PTPRD: variants seen among roughly 807,000 people sequenced by gnomAD.
The protein encoded by PTPRD is protein tyrosine phosphatase receptor type D.
PTPRD carries 34 observed loss-of-function variants against 214.5 expected under a neutral mutation model. The ratio of observed to expected loss-of-function variants is 0.16; its 90% CI spans 0.12 to 0.21. The LOEUF (loss-of-function observed/expected upper bound fraction) is 0.21. Among genes scored for constraint, PTPRD ranks in the 10% least tolerant of loss-of-function variants. The pLI is 1.00. For synonymous variants in PTPRD, 1,128 were observed against 845.7 expected, an observed-to-expected ratio of 1.33 and a Z score of -5.79; for missense variants, 2,545 against 2,398.7, an observed-to-expected ratio of 1.06 and a Z score of -1.27.
intron 2 of PTPRD, among the ~76,000 whole-genome samples, chr9:10,383,877 C>G (rs1282750273): frequency 6.6e-6 from 1 of 151,672 alleles, no homozygotes; most frequent in Non-Finnish European, 1.5e-5. Flanking sequence ...CACGTGATTA[C>G]AGCGTAAGCA....
chr9:8,449,992 T>A, intron 33 of PTPRD, 155 bp from the exon 34 acceptor site: 3 of 679,808 alleles, frequency 4.4e-6, no homozygotes, highest in Non-Finnish European at 7.3e-6. Context: ...GGGTTGCTTT[T>A]CCCCCCTGGC....
intron 2 of PTPRD, among the ~76,000 whole-genome samples, chr9:10,461,645 T>A (rs957713642): frequency 1.3e-5 from 2 of 150,242 alleles, no homozygotes; most frequent in African/African-American, 4.9e-5. Flanking sequence ...TTTTTTAAGA[T>A]GGAGTCTCGC....
chr9:10,308,432 T>C (rs1389586689), intron 3 of PTPRD, among the ~76,000 whole-genome samples: 2 of 152,084 alleles, frequency 1.3e-5, no homozygotes, highest in Non-Finnish European at 2.9e-5. Context: ...TGTCTGTTTT[T>C]ACACCAACAC....
chr9:10,549,995 C>T (rs771203166), intron 2 of PTPRD, among the ~76,000 whole-genome samples: 30 of 152,084 alleles, frequency 2.0e-4, no homozygotes, highest in Non-Finnish European at 3.8e-4. Context: ...TATTTCACCC[C>T]TCTGGCAGGA....
At chr9:8,830,854 T>G (rs568672621) in intron 11 of PTPRD, among the ~76,000 whole-genome samples, 2 of 152,308 alleles carry the variant, frequency 1.3e-5, no homozygotes, top group East Asian at 3.9e-4. Context: ...TGTAAACTGT[T>G]GCCTCATTTT....
chr9:10,247,986 A>G (rs1482316708), intron 3 of PTPRD, among the ~76,000 whole-genome samples: 2 of 152,092 alleles, frequency 1.3e-5, no homozygotes, highest in Non-Finnish European at 2.9e-5. Context: ...GATAGTGAAT[A>G]GGTCTCACAA....
chr9:9,568,462 G>A (rs918506218), intron 8 of PTPRD, among the ~76,000 whole-genome samples: 1 of 151,840 alleles, frequency 6.6e-6, no homozygotes, highest in African/African-American at 2.4e-5. Context: ...AGAAGAGTAT[G>A]TGACATGTAA....
chr9:8,717,375 C>T (rs1375907092), intron 12 of PTPRD, among the ~76,000 whole-genome samples: 2 of 152,152 alleles, frequency 1.3e-5, no homozygotes, highest in Non-Finnish European at 2.9e-5. Flanking sequence ...CTCATCATGA[C>T]ATCCTGCAAA....
At chr9:9,955,761 G>A (rs1044837895) in intron 4 of PTPRD, among the ~76,000 whole-genome samples, 4 of 152,110 alleles carry the variant, frequency 2.6e-5, no homozygotes, top group African/African-American at 7.2e-5. Context: ...CTGACCTCGT[G>A]ATAGCCCGCC....
chr9:8,505,350 C>T (rs191222330), intron 22 of PTPRD, among the ~76,000 whole-genome samples: 3 of 152,206 alleles, frequency 2.0e-5, no homozygotes, highest in Admixed American at 6.5e-5. Flanking sequence ...AGGCCGGGCA[C>T]GGTGGCTCAC....
intron 9 of PTPRD, among the ~76,000 whole-genome samples, chr9:9,191,901 G>A (rs1172365368): frequency 6.6e-6 from 1 of 151,928 alleles, no homozygotes; most frequent in Non-Finnish European, 1.5e-5. Context: ...TTTGATTTTT[G>A]CAAACAACAG....
intron 3 of PTPRD, among the ~76,000 whole-genome samples, chr9:10,176,439 G>C (rs1309870194): frequency 6.6e-6 from 1 of 151,444 alleles, no homozygotes; most frequent in Non-Finnish European, 1.5e-5. Context: ...ACCAATACAA[G>C]GAAAAAAGCA....
chr9:10,352,341 C>G (rs1042744959), intron 2 of PTPRD, among the ~76,000 whole-genome samples: 1 of 152,048 alleles, frequency 6.6e-6, no homozygotes, highest in Non-Finnish European at 1.5e-5. Context: ...ATTAGTACAT[C>G]ACTTCAATTG....
intron 3 of PTPRD, among the ~76,000 whole-genome samples, chr9:10,149,881 C>A (rs1254740828): frequency 6.6e-6 from 1 of 151,996 alleles, no homozygotes; most frequent in East Asian, 1.9e-4. Context: ...CAGGCACCTG[C>A]CACAACACCC....
intron 17 of PTPRD, among the ~76,000 whole-genome samples, chr9:8,525,452 G>C (rs1371747002): frequency 6.6e-6 from 1 of 152,062 alleles, no homozygotes; most frequent in Non-Finnish European, 1.5e-5. Context: ...AAAAAAACCA[G>C]GCTGGGTTTT....
intron 10 of PTPRD, among the ~76,000 whole-genome samples, chr9:9,175,953 A>G (rs968619158): frequency 6.6e-6 from 1 of 152,198 alleles, no homozygotes; most frequent in Admixed American, 6.5e-5. Flanking sequence ...TCTTTTATAT[A>G]TCACTCTTGA....
intron 2 of PTPRD, among the ~76,000 whole-genome samples, chr9:10,453,757 T>C (rs2130937800): frequency 6.6e-6 from 1 of 151,796 alleles, no homozygotes; most frequent in South Asian, 2.1e-4. Context: ...CAAAACCATG[T>C]ACCTTCTTCC....
chr9:9,692,028 C>T (rs2097281373), intron 7 of PTPRD, among the ~76,000 whole-genome samples: 1 of 152,002 alleles, frequency 6.6e-6, no homozygotes, highest in South Asian at 2.1e-4. Context: ...TTATTAATCT[C>T]CTGTCAAGTG....
At chr9:8,552,653 T>A (rs2082450384) in intron 14 of PTPRD, among the ~76,000 whole-genome samples, 1 of 152,124 alleles carries the variant, frequency 6.6e-6, no homozygotes, top group African/African-American at 2.4e-5. Context: ...ATATGGATGA[T>A]GACCCTTCTC....
Sources: gnomAD v4.1 joint callset for allele counts (sites outside exome capture counted in the v4.1 genomes callset) on GRCh38, gnomAD v4.1.1 for gene constraint, MANE v1.5 for transcripts, NCBI Gene and HGNC (gene_info 2026-07-23, HGNC 2026-07-21) for gene names.